The following ATF6 variants were observed in gnomAD, a reference collection of about 807,000 sequenced individuals.
The protein encoded by ATF6 is cyclic AMP-dependent transcription factor ATF-6 alpha.
ATF6 carries 53 observed loss-of-function variants against 83.6 expected under a neutral mutation model. The ratio of observed to expected loss-of-function variants is 0.63; its 90% CI spans 0.51 to 0.80. The LOEUF (loss-of-function observed/expected upper bound fraction) is 0.80, where lower values mean the gene tolerates loss of function less well. Ranked by LOEUF, ATF6 falls within the 30% of genes least tolerant of loss-of-function variation. The pLI is 0.00. For missense variants in ATF6, 744 were observed against 797.9 expected (o/e 0.93, Z 0.81); for synonymous variants, 288 against 285.8 (o/e 1.01, Z -0.08).
At chr1:161,886,724 T>TA (rs1165858030) in intron 14 of ATF6, among the ~76,000 whole-genome samples, 2 of 152,228 alleles carry the variant, frequency 1.3e-5, no homozygotes, top group Non-Finnish European at 2.9e-5. Flanking sequence ...TAAGTGTACT[T>TA]ATAGTTTTAC....
intron 15 of ATF6, among the ~76,000 whole-genome samples, chr1:161,926,459 C>T (rs1688310748): frequency 6.6e-6 from 1 of 152,164 alleles, no homozygotes; most frequent in African/African-American, 2.4e-5. Flanking sequence ...ACTCACGCAG[C>T]AGGTGGCCTC....
At chr1:161,870,252 T>G (rs1484179897) in intron 14 of ATF6, among the ~76,000 whole-genome samples, 2 of 151,824 alleles carry the variant, frequency 1.3e-5, no homozygotes, top group East Asian at 3.8e-4. Flanking sequence ...AATTATAGAT[T>G]AAGTACTTTA....
chr1:161,856,806 G>T (rs1686776067), intron 12 of ATF6, among the ~76,000 whole-genome samples: 1 of 152,116 alleles, frequency 6.6e-6, no homozygotes, highest in Non-Finnish European at 1.5e-5. Flanking sequence ...ACTGTGGAAG[G>T]GGTGCTTGGT....
At chr1:161,955,420 G>T (rs1470564719) in intron 15 of ATF6, among the ~76,000 whole-genome samples, 1 of 152,178 alleles carries the variant, frequency 6.6e-6, no homozygotes, top group Non-Finnish European at 1.5e-5. Flanking sequence ...TGATTAAGAG[G>T]AGTTCTGGGG....
intron 15 of ATF6, among the ~76,000 whole-genome samples, chr1:161,953,551 G>T (rs776034483): frequency 3.3e-5 from 5 of 152,174 alleles, no homozygotes; most frequent in Non-Finnish European, 7.3e-5. Context: ...AGCTGAATGT[G>T]TGCTGTCTCT....
chr1:161,860,909 A>G (rs922481710), intron 13 of ATF6, among the ~76,000 whole-genome samples: 5 of 152,174 alleles, frequency 3.3e-5, no homozygotes, highest in Admixed American at 3.3e-4. Flanking sequence ...GAAATATAAT[A>G]TGGGAAGCAA....
chr1:161,815,380 G>A (rs1054066900), intron 7 of ATF6, among the ~76,000 whole-genome samples: 4 of 151,262 alleles, frequency 2.6e-5, no homozygotes, highest in African/African-American at 7.3e-5. Flanking sequence ...TAGCAGAGAC[G>A]AGGTCTTCCT....
At chr1:161,912,203 A>G (rs1361264049) in intron 14 of ATF6, 93 bp from the exon 15 acceptor site, 3 of 690,596 alleles carry the variant, frequency 4.3e-6, no homozygotes, top group East Asian at 3.1e-5. Flanking sequence ...CATCATCCCA[A>G]CGAAATATTG....
chr1:161,852,163 A>G (rs1686646653), intron 11 of ATF6, among the ~76,000 whole-genome samples: 1 of 152,222 alleles, frequency 6.6e-6, no homozygotes, highest in East Asian at 1.9e-4. Flanking sequence ...GAAGATAATA[A>G]TTTGTGGGTA....
intron 10 of ATF6, among the ~76,000 whole-genome samples, chr1:161,850,727 C>T (rs1686599077): frequency 6.6e-6 from 1 of 152,090 alleles, no homozygotes; most frequent in South Asian, 2.1e-4. Context: ...TCACTATGTT[C>T]AGTTTTATAT....
At chr1:161,768,472 G>A (rs1684317877) in intron 1 of ATF6, among the ~76,000 whole-genome samples, 1 of 152,182 alleles carries the variant, frequency 6.6e-6, no homozygotes, top group Non-Finnish European at 1.5e-5. Flanking sequence ...TGGCAATAGA[G>A]TGAAACACTA....
rs770004754 is a variant in ATF6, at chr1:161,817,074, A to G, written c.910-2559A>G. On this transcript the variant is annotated intron_variant, in intron 7 of 15. Coordinates refer to ENST00000367942, the MANE Select transcript of ATF6 (RefSeq NM_007348.4). ...TATCTGTTTCTATGGGAAGAAATGA[A>G]TATTTGACCACAGATGGTTTTCATT... Among the ~76,000 whole-genome samples, 3 of 152,304 alleles carry G rather than the reference A, an allele frequency of 2.0e-5. No individual in the cohort carries two copies. In the East Asian group the frequency reaches 5.8e-4, roughly 29 times the overall value.
At chr1:161,909,365 CT>C (rs1349376865) in intron 14 of ATF6, among the ~76,000 whole-genome samples, 4 of 152,176 alleles carry the variant, frequency 2.6e-5, no homozygotes, top group African/African-American at 9.6e-5. Context: ...GCCATTTCTT[CT>C]TACAGTCCGT....
At chr1:161,956,298 A>C (rs1396414463) in intron 15 of ATF6, among the ~76,000 whole-genome samples, 1 of 152,180 alleles carries the variant, frequency 6.6e-6, no homozygotes, top group Non-Finnish European at 1.5e-5. Flanking sequence ...ATACACACAC[A>C]CACACGCACA....
rs528497929 is a variant in ATF6 at position 161,858,411 on chromosome 1, A to G, written c.1534-1796A>G. 3.3e-5 allele frequency among the ~76,000 whole-genome samples: 5 copies of G among 152,282 alleles called. No individual in the cohort carries two copies. The East Asian group carries it at 7.7e-4, about 24-fold the overall frequency. On this transcript the variant is annotated intron_variant, in intron 12 of 15. Coordinates refer to ENST00000367942, the MANE Select transcript of ATF6 (RefSeq NM_007348.4). ...ACTTTAAATATGAAGACACTGACAG[A>G]TGGAAAATAAAGGTGAAAAAGGATG...
At position 161,860,289 on chromosome 1, in the gene ATF6, C is replaced by G. The variant is rs756316929; in HGVS notation, c.1604+12C>G. The stretch of plus-strand genomic sequence containing the variant: ...ACTAGTAGTATCAGGTAAGACAGTG[C>G]AGAAGCTCTTGGCCAAGGAATTTAA... On this transcript the variant is annotated intron_variant, in intron 13 of 15. Coordinates refer to ENST00000367942, the MANE Select transcript of ATF6 (RefSeq NM_007348.4). 6.6e-6 allele frequency: 10 copies of G among 1,518,850 alleles called. No homozygotes were observed. In the East Asian group the frequency reaches 2.3e-4, roughly 35 times the overall value. 94.1% of individuals were successfully genotyped at this position (1,518,850 alleles called of 1,614,324 possible). A position where few individuals can be genotyped will look rare whatever the true frequency, so the allele number is the denominator to read the frequency against.
intron 15 of ATF6, among the ~76,000 whole-genome samples, chr1:161,952,573 T>C (rs950639390): frequency 2.6e-5 from 4 of 152,282 alleles, no homozygotes; most frequent in South Asian, 4.1e-4. Context: ...GATTTTTTTT[T>C]CCGTTTTGTT....
chr1:161,870,825 C>G (rs544010063), intron 14 of ATF6, among the ~76,000 whole-genome samples: 1 of 151,724 alleles, frequency 6.6e-6, no homozygotes, highest in Admixed American at 6.6e-5. Context: ...AAGAATAATA[C>G]GAAGTCTTCA....
chr1:161,831,944 T>TA (rs574016070), intron 9 of ATF6, among the ~76,000 whole-genome samples: 5,031 of 130,426 alleles, frequency 0.039, 155 homozygotes, highest in African/African-American at 0.093. Flanking sequence ...TAAAGTATAA[T>TA]AAAAAAAAAA....
Sources: allele counts gnomAD v4.1 joint callset (sites outside exome capture counted in the v4.1 genomes callset), GRCh38; gene constraint gnomAD v4.1.1; transcripts MANE v1.5; gene names NCBI Gene and HGNC (gene_info 2026-07-23, HGNC 2026-07-21).